The following SCHIP1 variants were observed in gnomAD, a reference collection of about 807,000 sequenced individuals.
SCHIP1 encodes the protein schwannomin interacting protein 1.
Under a neutral mutation model 29.7 loss-of-function variants are expected in SCHIP1, and 8 were observed. That is an observed-to-expected ratio of 0.27 (90% CI 0.16 to 0.49). SCHIP1 has a LOEUF of 0.49. SCHIP1 is among the 20% of genes least tolerant of loss of function. The pLI is 0.99. For missense variants in SCHIP1, 193 were observed against 294.6 expected, an observed-to-expected ratio of 0.66 and a Z score of 2.52; for synonymous variants, 76 against 94.9, an observed-to-expected ratio of 0.80 and a Z score of 1.16.
the SCHIP1 span, among the ~76,000 whole-genome samples, chr3:159,506,778 G>A: frequency 6.6e-6 from 1 of 152,096 alleles, no homozygotes; most frequent in Non-Finnish European, 1.5e-5. Flanking sequence ...GATAGTTGTA[G>A]ACGTGTGGTA....
chr3:159,723,034 G>T, the SCHIP1 span, among the ~76,000 whole-genome samples: 128 of 152,272 alleles, frequency 8.4e-4, 2 homozygotes, highest in Non-Finnish European at 6.3e-4. Flanking sequence ...GCCCATGTGT[G>T]CTCAGTGCTT....
chr3:159,524,841 T>C, the SCHIP1 span, among the ~76,000 whole-genome samples: 2 of 152,220 alleles, frequency 1.3e-5, no homozygotes, highest in Admixed American at 1.3e-4. Context: ...TTTCACAGTC[T>C]GTATCAATTA....
chr3:159,471,209 G>A, the SCHIP1 span, among the ~76,000 whole-genome samples: 1 of 152,078 alleles, frequency 6.6e-6, no homozygotes, highest in African/African-American at 2.4e-5. Flanking sequence ...AGTCCTACAA[G>A]AGATTTAAAT....
At chr3:159,557,159 A>C in the SCHIP1 span, among the ~76,000 whole-genome samples, 1 of 151,686 alleles carries the variant, frequency 6.6e-6, no homozygotes, top group East Asian at 1.9e-4. Context: ...AGGTTTCACC[A>C]TGTTAGCCAG....
the SCHIP1 span, among the ~76,000 whole-genome samples, chr3:159,707,731 A>T: frequency 6.6e-6 from 1 of 152,130 alleles, no homozygotes; most frequent in Non-Finnish European, 1.5e-5. Flanking sequence ...GATCAGGGAA[A>T]TTTTCCCGTA....
At chr3:159,435,925 C>A in the SCHIP1 span, among the ~76,000 whole-genome samples, 2 of 152,082 alleles carry the variant, frequency 1.3e-5, no homozygotes, top group African/African-American at 2.4e-5. Context: ...TGAATCTTAT[C>A]ACCCAGCAAG....
At chr3:159,652,405 C>T in the SCHIP1 span, among the ~76,000 whole-genome samples, 1 of 152,122 alleles carries the variant, frequency 6.6e-6, no homozygotes, top group Non-Finnish European at 1.5e-5. Flanking sequence ...ACAGTCACTA[C>T]AAATTTTCAG....
intron 5 of SCHIP1, among the ~76,000 whole-genome samples, chr3:159,890,394 A>G (rs1717390795): frequency 6.6e-6 from 1 of 152,216 alleles, no homozygotes; most frequent in Non-Finnish European, 1.5e-5. Flanking sequence ...TCAGATATGT[A>G]GACACTCTAC....
At chr3:159,314,427 C>T in the SCHIP1 span, among the ~76,000 whole-genome samples, 1 of 152,182 alleles carries the variant, frequency 6.6e-6, no homozygotes, top group African/African-American at 2.4e-5. Context: ...CCCGTTTCTT[C>T]TGCTAGTGAT....
At chr3:159,277,016 C>T in the SCHIP1 span, among the ~76,000 whole-genome samples, 4 of 152,166 alleles carry the variant, frequency 2.6e-5, no homozygotes, top group Non-Finnish European at 5.9e-5. Context: ...CACACAGTGC[C>T]TGATTCCATT....
the SCHIP1 span, among the ~76,000 whole-genome samples, chr3:159,344,977 G>A: frequency 6.6e-6 from 1 of 152,120 alleles, no homozygotes; most frequent in Non-Finnish European, 1.5e-5. Flanking sequence ...GGCTGGGCAC[G>A]GTGGCACACG....
intron 5 of SCHIP1, among the ~76,000 whole-genome samples, chr3:159,891,895 T>C (rs1430903548): frequency 6.6e-6 from 1 of 152,240 alleles, no homozygotes; most frequent in East Asian, 1.9e-4. Flanking sequence ...TTGGAAATAG[T>C]TCGTACTTTA....
the SCHIP1 span, among the ~76,000 whole-genome samples, chr3:159,393,132 T>C: frequency 1.3e-5 from 2 of 152,260 alleles, no homozygotes; most frequent in South Asian, 2.1e-4. Context: ...TATCTGTTCA[T>C]GTCCTTTGCC....
chr3:159,872,057 A>C (rs1369843567), intron 2 of SCHIP1, among the ~76,000 whole-genome samples: 3 of 152,118 alleles, frequency 2.0e-5, no homozygotes, highest in Admixed American at 2.0e-4. Flanking sequence ...GTTAAGTCAA[A>C]TACTCCCCAC....
the SCHIP1 span, among the ~76,000 whole-genome samples, chr3:159,310,342 G>A: frequency 6.6e-6 from 1 of 152,082 alleles, no homozygotes; most frequent in South Asian, 2.1e-4. Flanking sequence ...CTCTCTCGCA[G>A]CCATGTTACT....
At chr3:159,337,388 GA>G in the SCHIP1 span, among the ~76,000 whole-genome samples, 1 of 152,114 alleles carries the variant, frequency 6.6e-6, no homozygotes. Flanking sequence ...ATTCAATTAG[GA>G]AAAGAGGAGG....
chr3:159,293,893 G>A, the SCHIP1 span, among the ~76,000 whole-genome samples: 5 of 152,070 alleles, frequency 3.3e-5, no homozygotes, highest in Non-Finnish European at 5.9e-5. Flanking sequence ...AAGTAACATA[G>A]GGGACTTCCA....
At chr3:159,390,282 G>A in the SCHIP1 span, among the ~76,000 whole-genome samples, 1 of 152,024 alleles carries the variant, frequency 6.6e-6, no homozygotes. Context: ...TTTATTGCAT[G>A]GTCTTGGCTA....
intron 2 of SCHIP1, among the ~76,000 whole-genome samples, chr3:159,866,754 C>T (rs2109262725): frequency 6.6e-6 from 1 of 152,268 alleles, no homozygotes; most frequent in East Asian, 1.9e-4. Context: ...CTTAACCTGT[C>T]CTTCTGGTGG....
Sources: gnomAD v4.1 joint callset for allele counts (sites outside exome capture counted in the v4.1 genomes callset) on GRCh38, gnomAD v4.1.1 for gene constraint, MANE v1.5 for transcripts, NCBI Gene and HGNC (gene_info 2026-07-23, HGNC 2026-07-21) for gene names.